The following KCNH8 variants were observed in gnomAD, a reference collection of about 807,000 sequenced individuals.
KCNH8 encodes potassium voltage-gated channel subfamily H member 8, also known as voltage-gated delayed rectifier potassium channel KCNH8.
KCNH8 carries 70 observed loss-of-function variants against 103.6 expected under a neutral mutation model. That is an observed-to-expected ratio of 0.68 (90% CI 0.56 to 0.82). The LOEUF is 0.82. Ranked by LOEUF, KCNH8 falls within the 40% of genes least tolerant of loss-of-function variation. The pLI is 0.00. For missense variants in KCNH8, 1,217 were observed against 1,329.9 expected, an observed-to-expected ratio of 0.92 and a Z score of 1.32; for synonymous variants, 498 against 489.4, an observed-to-expected ratio of 1.02 and a Z score of -0.23.
intron 7 of KCNH8, among the ~76,000 whole-genome samples, chr3:19,420,398 T>G (rs2066933145): frequency 6.6e-6 from 1 of 152,230 alleles, no homozygotes; most frequent in African/African-American, 2.4e-5. Context: ...TAGCAATCTT[T>G]CTAGCCTGAA....
chr3:19,247,681 A>T lies in KCNH8; in HGVS notation c.77-5973A>T, dbSNP rs566821329. On this transcript the variant is annotated intron_variant, in intron 1 of 15. Transcript: ENST00000328405. ...TTTAAAAAGAGAACCAATATCAAAGATACTCTTCAGAAATAAAGATTTGAA... is the reference window on the plus strand; with the variant it reads ...TTTAAAAAGAGAACCAATATCAAAGTTACTCTTCAGAAATAAAGATTTGAA... Among the ~76,000 whole-genome samples, 4 of 152,306 alleles carry T rather than the reference A, an allele frequency of 2.6e-5. No individual in the cohort carries two copies. In the East Asian group the frequency reaches 7.7e-4, roughly 29 times the overall value.
At chr3:19,388,223 A>G (rs939166613) in intron 5 of KCNH8, among the ~76,000 whole-genome samples, 2 of 152,122 alleles carry the variant, frequency 1.3e-5, no homozygotes, top group Non-Finnish European at 2.9e-5. Context: ...AAACATCACT[A>G]ATGAGCTTAG....
chr3:19,494,577 A>T (rs185126909), intron 11 of KCNH8, among the ~76,000 whole-genome samples: 1 of 152,224 alleles, frequency 6.6e-6, no homozygotes, highest in East Asian at 1.9e-4. Context: ...CAGCATGAAA[A>T]TGAACTAATA....
Position 19,515,012 on chromosome 3 carries a change from TTGAC to T in KCNH8, c.2436-306_2436-303del, listed in dbSNP as rs1255076225. ...AATTAATTTTAATAATATATTTTAT[TTGAC>T]TGAATATGTTCCAAATATTATTTTA... On this transcript the variant is annotated intron_variant, in intron 13 of 15. Coordinates refer to ENST00000328405, the MANE Select transcript of KCNH8 (RefSeq NM_144633.3). Among the ~76,000 whole-genome samples, 5 of 151,792 alleles carry T rather than the reference TTGAC, an allele frequency of 3.3e-5. No individual in the cohort carries two copies. The South Asian group carries it at 6.2e-4, about 19-fold the overall frequency.
At chr3:19,442,293 A>C (rs748587204) in intron 8 of KCNH8, among the ~76,000 whole-genome samples, 26 of 152,156 alleles carry the variant, frequency 1.7e-4, no homozygotes, top group Admixed American at 3.3e-4. Context: ...AGATAAACAC[A>C]GTCTATACTT....
chr3:19,181,328 A>G (rs1026895573), intron 1 of KCNH8, among the ~76,000 whole-genome samples: 1 of 152,158 alleles, frequency 6.6e-6, no homozygotes, highest in African/African-American at 2.4e-5. Flanking sequence ...AGTTAGAAAA[A>G]GAAAAATGGA....
intron 1 of KCNH8, among the ~76,000 whole-genome samples, chr3:19,178,612 T>C (rs1332833519): frequency 6.6e-6 from 1 of 152,148 alleles, no homozygotes; most frequent in Non-Finnish European, 1.5e-5. Flanking sequence ...GAGATTTGAA[T>C]TCTGAGTAGA....
chr3:19,160,021 A>C (rs182113631), intron 1 of KCNH8, among the ~76,000 whole-genome samples: 8 of 152,284 alleles, frequency 5.3e-5, no homozygotes, highest in African/African-American at 1.2e-4. Context: ...AATAAGTTTA[A>C]TGAATTATTA....
At chr3:19,418,963 G>T (rs1193483909) in intron 7 of KCNH8, among the ~76,000 whole-genome samples, 2 of 152,018 alleles carry the variant, frequency 1.3e-5, no homozygotes, top group Admixed American at 1.3e-4. Flanking sequence ...CATTTATAAA[G>T]AATTTCCACC....
rs535712893 is a variant in KCNH8 at position 19,374,289 on chromosome 3, ACTC to A, written c.812-16189_812-16187del. ...CAGGACTGGCTTTATGAATCTGGGT[ACTC>A]CTGTATTGGGTGCATATCTATTTAG... On this transcript the variant is annotated intron_variant, in intron 5 of 15. Transcript: ENST00000328405. Among the ~76,000 whole-genome samples the A allele has an allele frequency of 7.6e-3, 1,157 of 151,534 alleles. 9 individuals are homozygous for A. Among genetic ancestry groups the A allele is most frequent in the African/African-American group, 0.026 (1,078 of 41,116 alleles).
intron 2 of KCNH8, among the ~76,000 whole-genome samples, chr3:19,257,569 T>C (rs1326469653): frequency 6.6e-6 from 1 of 152,096 alleles, no homozygotes; most frequent in Non-Finnish European, 1.5e-5. Context: ...CAGCCTTAGC[T>C]TTTATATGTT....
intron 11 of KCNH8, among the ~76,000 whole-genome samples, chr3:19,467,274 T>TCCTTTCGCAGATTTA (rs1162400192): frequency 4.6e-5 from 7 of 150,680 alleles, no homozygotes; most frequent in Non-Finnish European, 4.4e-5. Flanking sequence ...GGCCCTTGTC[T>TCCTTTCGCAGATTTA]CCTTTCGCAG....
intron 1 of KCNH8, among the ~76,000 whole-genome samples, chr3:19,170,393 A>G (rs1441221243): frequency 6.6e-6 from 1 of 152,006 alleles, no homozygotes; most frequent in Non-Finnish European, 1.5e-5. Context: ...CCAAAGTGTT[A>G]TATCATATAT....
At chr3:19,495,714 AT>A (rs531725941) in intron 11 of KCNH8, among the ~76,000 whole-genome samples, 1,865 of 147,790 alleles carry the variant, frequency 0.013, 29 homozygotes, top group African/African-American at 0.034. Flanking sequence ...ACAAATTTAA[AT>A]TTTTTTTTTT....
At chr3:19,287,820 G>C (rs540291585) in intron 3 of KCNH8, among the ~76,000 whole-genome samples, 1 of 150,976 alleles carries the variant, frequency 6.6e-6, no homozygotes, top group East Asian at 1.9e-4. Flanking sequence ...TTGTGACCTC[G>C]TGATCCACCT....
At chr3:19,191,852 T>C (rs2063556186) in intron 1 of KCNH8, among the ~76,000 whole-genome samples, 1 of 151,812 alleles carries the variant, frequency 6.6e-6, no homozygotes, top group African/African-American at 2.4e-5. Context: ...TAATAACCTA[T>C]TTATGTGGTT....
At position 19,451,364 on chromosome 3, in the gene KCNH8, C is replaced by A; in HGVS notation, c.1785C>A (p.Ser595=). Residue 595 remains serine, a synonymous_variant, in exon 10 of 16, where the codon TCC becomes TCA. Transcript: ENST00000328405. ...LQAIYFVCSG[S]MEVLKDSMVL... The stretch of plus-strand genomic sequence containing the variant: ...CCATCTACTTTGTATGCTCGGGCTC[C>A]ATGGAAGTTCTTAAAGACAGCATGG... The A allele has an allele frequency of 6.2e-7, 1 of 1,613,766 alleles. No individual in the cohort carries two copies. The highest frequency in any genetic ancestry group is 1.3e-5 in the African/African-American group (1 of 74,988).
At chr3:19,222,313 A>G (rs1226039373) in intron 1 of KCNH8, among the ~76,000 whole-genome samples, 1 of 152,214 alleles carries the variant, frequency 6.6e-6, no homozygotes, top group Non-Finnish European at 1.5e-5. Flanking sequence ...TGCAGATAAT[A>G]TGAGAGAATT....
intron 1 of KCNH8, among the ~76,000 whole-genome samples, chr3:19,252,022 A>G (rs2064284901): frequency 6.6e-6 from 1 of 152,160 alleles, no homozygotes. Flanking sequence ...CCAGTCTCTA[A>G]CACTGTTGGT....
Sources: allele counts gnomAD v4.1 joint callset (sites outside exome capture counted in the v4.1 genomes callset), GRCh38; gene constraint gnomAD v4.1.1; transcripts MANE v1.5; gene names NCBI Gene and HGNC (gene_info 2026-07-23, HGNC 2026-07-21).